Variants in MOB3B observed in about 807,000 individuals in gnomAD.
MOB3B encodes the protein MOB kinase activator 3B, also known as MOB kinase activator-like 2B.
Under a neutral mutation model 18.7 loss-of-function variants are expected in MOB3B, and 7 were observed. The ratio of observed to expected loss-of-function variants is 0.37; its 90% confidence interval spans 0.21 to 0.70. MOB3B has a LOEUF of 0.70. MOB3B is among the 30% of genes least tolerant of loss of function. The pLI is 0.52. For missense variants in MOB3B, 253 were observed against 281.3 expected, an observed-to-expected ratio of 0.90 and a Z score of 0.72; for synonymous variants, 111 against 99.9, an observed-to-expected ratio of 1.11 and a Z score of -0.66.
chr9:27,341,390 G>C (rs1460109592), intron 3 of MOB3B, among the ~76,000 whole-genome samples: 1 of 152,186 alleles, frequency 6.6e-6, no homozygotes, highest in Non-Finnish European at 1.5e-5. Flanking sequence ...ACAGGACAGA[G>C]CTTGCCATTG....
At chr9:27,375,188 C>A (rs745831047) in intron 2 of MOB3B, among the ~76,000 whole-genome samples, 1 of 152,206 alleles carries the variant, frequency 6.6e-6, no homozygotes, top group Non-Finnish European at 1.5e-5. Flanking sequence ...AAAATCATTA[C>A]CCTAGTAACA....
At chr9:27,430,706 A>G (rs551056049) in intron 2 of MOB3B, among the ~76,000 whole-genome samples, 1 of 152,338 alleles carries the variant, frequency 6.6e-6, no homozygotes, top group African/African-American at 2.4e-5. Flanking sequence ...AAAAATTCCT[A>G]AAACAGGTCA....
chr9:27,380,080 G>A (rs142938069), intron 2 of MOB3B, among the ~76,000 whole-genome samples: 25 of 152,150 alleles, frequency 1.6e-4, no homozygotes, highest in Non-Finnish European at 2.8e-4. Flanking sequence ...TCTGGGAAAA[G>A]CTGGATCAAC....
chr9:27,528,779 A>AGG (rs149786190), intron 1 of MOB3B, among the ~76,000 whole-genome samples: 4 of 151,202 alleles, frequency 2.6e-5, no homozygotes, highest in African/African-American at 9.7e-5. Flanking sequence ...AAAGAGCGCG[A>AGG]GGGGGGGGAT....
intron 2 of MOB3B, among the ~76,000 whole-genome samples, chr9:27,440,045 C>T (rs1822569867): frequency 6.6e-6 from 1 of 152,314 alleles, no homozygotes; most frequent in African/African-American, 2.4e-5. Flanking sequence ...ATTACAGTAA[C>T]TGTCTAAAAC....
Position 27,325,402 on chromosome 9 carries a change from A to T in MOB3B, c.*5185T>A, listed in dbSNP as rs749516065. Reference sequence around the variant, plus strand: ...ACATTTCTTTTTCTGATGTATGTAAAAAAGATACAGGAAAATTCTGAAATC... The same window carrying T: ...ACATTTCTTTTTCTGATGTATGTAATAAAGATACAGGAAAATTCTGAAATC... On this transcript the variant is annotated 3_prime_UTR_variant, in exon 4 of 4. Transcript: ENST00000262244. The T allele has an allele frequency of 2.0e-5, 3 of 152,250 alleles. No homozygotes were observed. The highest frequency in any genetic ancestry group is 4.4e-5 in the Non-Finnish European group (3 of 68,042). 9.4% of individuals were successfully genotyped at this position (152,250 alleles called of 1,614,324 possible). A position where few individuals can be genotyped will look rare whatever the true frequency, so the allele number is the denominator to read the frequency against.
At chr9:27,448,357 C>T (rs572070599) in intron 2 of MOB3B, among the ~76,000 whole-genome samples, 3 of 152,224 alleles carry the variant, frequency 2.0e-5, no homozygotes, top group Admixed American at 6.5e-5. Context: ...AAGACATCCC[C>T]GAGTGGGTAA....
At chr9:27,478,129 T>C (rs1050507837) in intron 1 of MOB3B, among the ~76,000 whole-genome samples, 1 of 152,244 alleles carries the variant, frequency 6.6e-6, no homozygotes, top group African/African-American at 2.4e-5. Context: ...TTGTTTAGGC[T>C]GTGTAAGTAT....
intron 2 of MOB3B, among the ~76,000 whole-genome samples, chr9:27,445,137 C>T (rs78852400): frequency 0.041 from 6,267 of 152,262 alleles, 211 homozygotes; most frequent in Non-Finnish European, 0.063. Context: ...TGTAATAAAT[C>T]AGAGGTTTTT....
chr9:27,338,487 G>A (rs1221012248), intron 3 of MOB3B, among the ~76,000 whole-genome samples: 2 of 152,164 alleles, frequency 1.3e-5, no homozygotes, highest in Non-Finnish European at 2.9e-5. Context: ...GAAGGTGAGT[G>A]TCTGACTTCA....
chr9:27,422,294 C>T (rs1822267269), intron 2 of MOB3B, among the ~76,000 whole-genome samples: 1 of 152,174 alleles, frequency 6.6e-6, no homozygotes, highest in Non-Finnish European at 1.5e-5. Context: ...ATTTAATCTT[C>T]CCTGCAATAA....
intron 2 of MOB3B, among the ~76,000 whole-genome samples, chr9:27,367,882 C>A (rs1821361289): frequency 6.6e-6 from 1 of 152,188 alleles, no homozygotes; most frequent in Non-Finnish European, 1.5e-5. Flanking sequence ...GATTTCCTGG[C>A]CAATCCTTTG....
At chr9:27,333,894 C>G (rs1432462714) in intron 3 of MOB3B, among the ~76,000 whole-genome samples, 2 of 152,170 alleles carry the variant, frequency 1.3e-5, no homozygotes, top group Non-Finnish European at 2.9e-5. Flanking sequence ...CCACACCAGC[C>G]AGGCAAACTA....
intron 1 of MOB3B, among the ~76,000 whole-genome samples, chr9:27,496,623 A>G (rs1440181788): frequency 1.3e-5 from 2 of 152,214 alleles, no homozygotes; most frequent in Non-Finnish European, 2.9e-5. Context: ...GAGGCATTCC[A>G]TTTAAAATAG....
intron 2 of MOB3B, among the ~76,000 whole-genome samples, chr9:27,377,952 A>C (rs1280171098): frequency 1.3e-5 from 2 of 152,242 alleles, no homozygotes; most frequent in African/African-American, 4.8e-5. Context: ...TCTCACAGGT[A>C]GTGGGGTAAG....
At chr9:27,343,621 TTAA>T (rs1203493373) in intron 3 of MOB3B, among the ~76,000 whole-genome samples, 2 of 151,950 alleles carry the variant, frequency 1.3e-5, no homozygotes, top group African/African-American at 4.8e-5. Flanking sequence ...GGAAATGTAC[TTAA>T]TAAGGCAAAA....
intron 1 of MOB3B, among the ~76,000 whole-genome samples, chr9:27,470,006 TG>T (rs1277585256): frequency 6.6e-6 from 1 of 150,664 alleles, no homozygotes; most frequent in African/African-American, 2.4e-5. Context: ...TCTGGGAGGC[TG>T]AGGCAGGAGG....
intron 2 of MOB3B, among the ~76,000 whole-genome samples, chr9:27,443,670 C>T (rs1822630163): frequency 6.6e-6 from 1 of 152,182 alleles, no homozygotes; most frequent in African/African-American, 2.4e-5. Context: ...ATACCCTGGA[C>T]CGTCTTCTAT....
chr9:27,482,599 C>T (rs1819677542), intron 1 of MOB3B, among the ~76,000 whole-genome samples: 1 of 152,180 alleles, frequency 6.6e-6, no homozygotes, highest in African/African-American at 2.4e-5. Flanking sequence ...CTTTTCAGAC[C>T]TGGCTCAGTT....
Sources: gnomAD v4.1 joint callset for allele counts (sites outside exome capture counted in the v4.1 genomes callset) on GRCh38, gnomAD v4.1.1 for gene constraint, MANE v1.5 for transcripts, NCBI Gene and HGNC (gene_info 2026-07-23, HGNC 2026-07-21) for gene names.